MAGI3: variants seen among roughly 807,000 people sequenced by gnomAD.
MAGI3 encodes membrane-associated guanylate kinase, WW and PDZ domain-containing protein 3.
A neutral mutation model predicts 121.8 loss-of-function variants in MAGI3; 43 were observed. The ratio of observed to expected loss-of-function variants is 0.35; its 90% CI spans 0.28 to 0.46. The LOEUF (loss-of-function observed/expected upper bound fraction) is 0.46, where lower values mean the gene tolerates loss of function less well. MAGI3 is among the 20% of genes least tolerant of loss of function. The probability of loss-of-function intolerance (pLI) is 1.00; values close to 1 mark genes in which losing one functional copy is unlikely to be tolerated. For synonymous variants in MAGI3, 553 were observed against 639.3 expected, an observed-to-expected ratio of 0.86 and a Z score of 2.04; for missense variants, 1,547 against 1,797.3, an observed-to-expected ratio of 0.86 and a Z score of 2.52.
chr1:113,579,979 A>G (rs1309893283), intron 2 of MAGI3, among the ~76,000 whole-genome samples: 3 of 152,106 alleles, frequency 2.0e-5, no homozygotes, highest in Non-Finnish European at 4.4e-5. Context: ...AGTCAAATGT[A>G]GCAATGCTGC....
chr1:113,430,098 C>T (rs959668954), intron 1 of MAGI3, among the ~76,000 whole-genome samples: 1 of 151,978 alleles, frequency 6.6e-6, no homozygotes, highest in Non-Finnish European at 1.5e-5. Context: ...ATGCAAACCA[C>T]AGGGTAGGAT....
At chr1:113,513,499 C>T (rs1209566601) in intron 1 of MAGI3, among the ~76,000 whole-genome samples, 1 of 152,082 alleles carries the variant, frequency 6.6e-6, no homozygotes, top group Non-Finnish European at 1.5e-5. Context: ...TGATCTTTGA[C>T]AAACCTGAGA....
rs764186573 is a variant in MAGI3 at position 113,683,496 on chromosome 1, G to T, written c.3928G>T (p.Glu1310Ter). Residue 1310 changes from glutamate (E) to a stop codon, truncating the protein, a stop_gained, in exon 21 of 21, where the codon GAG (glutamate) becomes TAG (stop). Coordinates refer to ENST00000307546, the MANE Select transcript of MAGI3 (RefSeq NM_001142782.2). LOFTEE classifies it low-confidence loss of function (END_TRUNC). ...APSNAEAKLL[E>*]GKSRRIAGYT... ...ATCAAATGCTGAGGCCAAATTATTA[G>T]AGGGTAAGAGTCGAAGAATAGCAGG... 6.2e-7 allele frequency: 1 copy of T among 1,613,998 alleles called. No homozygotes were observed. Among genetic ancestry groups the T allele is most frequent in the Non-Finnish European group, 8.5e-7 (1 of 1,179,904 alleles).
At chr1:113,444,119 T>A (rs1331955665) in intron 1 of MAGI3, among the ~76,000 whole-genome samples, 1 of 152,254 alleles carries the variant, frequency 6.6e-6, no homozygotes, top group East Asian at 1.9e-4. Flanking sequence ...GCTCTTCGCA[T>A]GGTAGCAGCT....
chr1:113,643,111 G>A (rs1324570821), intron 10 of MAGI3, among the ~76,000 whole-genome samples: 1 of 152,152 alleles, frequency 6.6e-6, no homozygotes, highest in Non-Finnish European at 1.5e-5. Context: ...AAGGTCATCA[G>A]CTGACATGAA....
At chr1:113,628,721 T>C (rs1651406984) in intron 9 of MAGI3, among the ~76,000 whole-genome samples, 1 of 152,194 alleles carries the variant, frequency 6.6e-6, no homozygotes, top group Non-Finnish European at 1.5e-5. Context: ...TCCTAAGCAC[T>C]TTAAATATGT....
intron 9 of MAGI3, among the ~76,000 whole-genome samples, chr1:113,635,685 C>G (rs1651964043): frequency 6.6e-6 from 1 of 152,128 alleles, no homozygotes; most frequent in Non-Finnish European, 1.5e-5. Flanking sequence ...GTCTAAAATT[C>G]TCTTTTTTGG....
intron 9 of MAGI3, among the ~76,000 whole-genome samples, chr1:113,628,573 C>G (rs1170599804): frequency 6.6e-6 from 1 of 152,108 alleles, no homozygotes; most frequent in Non-Finnish European, 1.5e-5. Context: ...ATTGAAGAAC[C>G]CCCTTTAGCA....
intron 1 of MAGI3, among the ~76,000 whole-genome samples, chr1:113,522,740 T>A (rs190765720): frequency 1.2e-4 from 19 of 152,302 alleles, no homozygotes; most frequent in African/African-American, 4.3e-4. Flanking sequence ...TTGAACTAAT[T>A]TTTTACTTTA....
At chr1:113,537,047 T>C (rs1461371831) in intron 1 of MAGI3, among the ~76,000 whole-genome samples, 1 of 152,218 alleles carries the variant, frequency 6.6e-6, no homozygotes, top group Non-Finnish European at 1.5e-5. Flanking sequence ...CCATTAGTGC[T>C]ATTTCTTGAC....
At chr1:113,494,944 A>G (rs1191565174) in intron 1 of MAGI3, among the ~76,000 whole-genome samples, 1 of 152,180 alleles carries the variant, frequency 6.6e-6, no homozygotes, top group Non-Finnish European at 1.5e-5. Context: ...GCTAATTTAA[A>G]TATGTCCTCA....
intron 1 of MAGI3, among the ~76,000 whole-genome samples, chr1:113,424,204 GC>G (rs1232698002): frequency 5.7e-5 from 4 of 70,478 alleles, no homozygotes; most frequent in East Asian, 6.5e-4. Context: ...CCCGCCGCCT[GC>G]CCCCCCGCCC....
chr1:113,469,278 G>A (rs916847454), intron 1 of MAGI3, among the ~76,000 whole-genome samples: 1 of 152,126 alleles, frequency 6.6e-6, no homozygotes, highest in Non-Finnish European at 1.5e-5. Flanking sequence ...AGGCAGTCTG[G>A]CTGTGTAGTT....
At chr1:113,526,562 A>G (rs1658464451) in intron 1 of MAGI3, among the ~76,000 whole-genome samples, 1 of 152,216 alleles carries the variant, frequency 6.6e-6, no homozygotes, top group Non-Finnish European at 1.5e-5. Context: ...AGAGGCTGAA[A>G]GGGAATGCTG....
intron 2 of MAGI3, among the ~76,000 whole-genome samples, chr1:113,577,722 A>G (rs1036957797): frequency 6.6e-6 from 1 of 152,148 alleles, no homozygotes; most frequent in African/African-American, 2.4e-5. Flanking sequence ...TCTGTCCATG[A>G]AAAGAATCAT....
At chr1:113,629,586 C>T (rs952292601) in intron 9 of MAGI3, among the ~76,000 whole-genome samples, 4 of 152,094 alleles carry the variant, frequency 2.6e-5, no homozygotes, top group East Asian at 1.9e-4. Flanking sequence ...TCCAGGTATT[C>T]GAAGGGACCT....
In MAGI3 at chr1:113,400,533, G is replaced by A. The variant is rs887200612; in HGVS notation, c.316+9184G>A. 2.0e-5 allele frequency among the ~76,000 whole-genome samples: 3 copies of A among 152,004 alleles called. No individual in the cohort carries two copies. In the East Asian group the frequency reaches 5.8e-4, roughly 29 times the overall value. On this transcript the variant is annotated intron_variant, in intron 1 of 20. Transcript: ENST00000307546. ...TGTTAGATTAGTTTGGGCACCCTTC[G>A]GATGACTTTAGACCATATTTGGAAA...
Position 113,585,423 on chromosome 1 carries a change from C to G in MAGI3, c.590C>G (p.Pro197Arg). 1 of 1,614,056 alleles carries G rather than the reference C, an allele frequency of 6.2e-7. No homozygotes were observed. Among genetic ancestry groups the G allele is most frequent in the Non-Finnish European group, 8.5e-7 (1 of 1,179,980 alleles). The change falls in exon 4 of 21, where the codon CCC becomes CGC. Residue 197 changes from proline to arginine, a missense_variant. Pro to Arg is a moderately radical substitution (Grantham distance 103). Transcript: ENST00000307546. Reference sequence around the variant, plus strand: ...GGAACTCCCAAGCCTCCAGCAGAACCCAGCCCTTTTCAGCCAGATCCAGTT... The same window carrying G: ...GGAACTCCCAAGCCTCCAGCAGAACGCAGCCCTTTTCAGCCAGATCCAGTT... Reference protein sequence around the residue: ...FYGTPKPPAEPSPFQPDPVDQ... With the variant: ...FYGTPKPPAERSPFQPDPVDQ...
intron 1 of MAGI3, among the ~76,000 whole-genome samples, chr1:113,453,323 A>T (rs572696698): frequency 9.3e-4 from 141 of 152,278 alleles, no homozygotes; most frequent in Middle Eastern, 6.8e-3. Context: ...AAATTTCCAT[A>T]AAGTAGAACA....
Sources: gnomAD v4.1 joint callset for allele counts (sites outside exome capture counted in the v4.1 genomes callset) on GRCh38, gnomAD v4.1.1 for gene constraint, MANE v1.5 for transcripts, NCBI Gene and HGNC (gene_info 2026-07-23, HGNC 2026-07-21) for gene names.